Variants in MN1 observed in about 807,000 individuals in gnomAD.
MN1 encodes the protein MN1 proto-oncogene, transcriptional regulator.
A neutral mutation model predicts 86.9 loss-of-function variants in MN1; 19 were observed. That is an observed-to-expected ratio of 0.22 (90% confidence interval 0.15 to 0.32). MN1 has a LOEUF of 0.32. Among genes scored for constraint, MN1 ranks in the 10% least tolerant of loss-of-function variants. The pLI, the probability that MN1 is intolerant of heterozygous loss-of-function variation, is 1.00. For synonymous variants in MN1, 928 were observed against 849.6 expected, an observed-to-expected ratio of 1.09 and a Z score of -1.60; for missense variants, 1,841 against 1,862.0, an observed-to-expected ratio of 0.99 and a Z score of 0.21.
intron 1 of MN1, among the ~76,000 whole-genome samples, chr22:27,765,873 G>A (rs1426952310): frequency 6.6e-6 from 1 of 152,120 alleles, no homozygotes; most frequent in Non-Finnish European, 1.5e-5. Flanking sequence ...AGGTGGTCTG[G>A]GCTTAGAAGG....
chr22:27,791,770 T>C (rs1002920533), intron 1 of MN1: 6 of 152,210 alleles, frequency 3.9e-5, no homozygotes, highest in Non-Finnish European at 8.8e-5. Context: ...CTCTCCTAAA[T>C]GCTTTCGGCA....
chr22:27,800,325 G>T lies in MN1; in HGVS notation c.219C>A (p.Arg73=), dbSNP rs759773414. The T allele has an allele frequency of 6.3e-7, 1 of 1,582,202 alleles. No homozygotes were observed. The highest frequency in any genetic ancestry group is 1.2e-5 in the South Asian group (1 of 86,032). ...MNMEPYGFHA[R]GHSELHAGGL... ...CCCCTGCGTGCAACTCCGAGTGGCCGCGCGCGTGGAAGCCGTAGGGCTCCA... is the reference window on the plus strand; with the variant it reads ...CCCCTGCGTGCAACTCCGAGTGGCCTCGCGCGTGGAAGCCGTAGGGCTCCA... The change falls in exon 1 of 2, where the codon CGC becomes CGA. Residue 73 remains arginine, a synonymous_variant. Transcript: ENST00000302326.
Position 27,799,058 on chromosome 22 carries a change from C to G in MN1, c.1486G>C (p.Gly496Arg). 2 of 1,610,760 alleles carry G rather than the reference C, an allele frequency of 1.2e-6. No homozygotes were observed. The highest frequency in any genetic ancestry group is 1.3e-5 in the African/African-American group (1 of 74,978). The change falls in exon 1 of 2, where the codon GGC becomes CGC. Residue 496 changes from glycine to arginine, a missense_variant. Coordinates refer to ENST00000302326, the MANE Select transcript of MN1 (RefSeq NM_002430.3). Reference protein sequence around the residue: ...LSPSAYPGLPGEFTPPVPDSF... With the variant: ...LSPSAYPGLPREFTPPVPDSF... ...TCGGGCACAGGCGGTGTGAACTCGC[C>G]GGGTAGGCCTGGGTAGGCGGAAGGG...
Position 27,765,713 on chromosome 22 carries a change from C to T in MN1, c.3782-14617G>A, listed in dbSNP as rs1932864662. 1.3e-5 allele frequency among the ~76,000 whole-genome samples: 2 copies of T among 152,176 alleles called. 1 individual carries two copies. The highest frequency in any genetic ancestry group is 4.1e-4 in the South Asian group (2 of 4,826). On this transcript the variant is annotated intron_variant, in intron 1 of 1. Coordinates refer to ENST00000302326, the MANE Select transcript of MN1 (RefSeq NM_002430.3). ...GACCCGGGTCTGGCCCAGGTTCTCT[C>T]CACAGCACTATGAGAACCAAGGCCA...
In MN1 at chr22:27,749,229, GA is replaced by G. The variant is rs1347856218; in HGVS notation, c.*1685del. 8 of 230,802 alleles carry G rather than the reference GA, an allele frequency of 3.5e-5. No individual in the cohort carries two copies. In the Admixed American group the frequency reaches 4.5e-4, roughly 13 times the overall value. The allele number at this position is 230,802 out of a possible 1,614,324, so 14.3% of individuals were successfully genotyped here. On this transcript the variant is annotated 3_prime_UTR_variant, in exon 2 of 2. Coordinates refer to ENST00000302326, the MANE Select transcript of MN1 (RefSeq NM_002430.3). ...TTCTGAAAGCTCCTCTCCCTTCGCT[GA>G]AAAGTTCTTTGAAATAAACAACGTG...
intron 1 of MN1, among the ~76,000 whole-genome samples, chr22:27,751,756 C>G (rs1017773346): frequency 6.6e-5 from 10 of 152,110 alleles, no homozygotes; most frequent in African/African-American, 2.4e-4. Flanking sequence ...TCCAGAGGAG[C>G]AGGAAGGATG....
In MN1 at chr22:27,798,076, C is replaced by T; in HGVS notation, c.2468G>A (p.Ser823Asn). The T allele has an allele frequency of 6.2e-7, 1 of 1,611,412 alleles. No individual in the cohort carries two copies. Among genetic ancestry groups the T allele is most frequent in the South Asian group, 1.1e-5 (1 of 91,048 alleles). ...PSSKDNLFGQ[S>N]CLAALSTACQ... ...AGCGGTGGAGAGCGCAGCCAGGCAG[C>T]TCTGGCCGAACAGGTTGTCCTTGGA... The change falls in exon 1 of 2, where the codon AGC becomes AAC. Residue 823 changes from serine to asparagine, a missense_variant. Ser to Asn is a conservative substitution (Grantham distance 46). Transcript: ENST00000302326.
Position 27,800,130 on chromosome 22 carries a change from G to A in MN1, c.414C>T (p.Gly138=), listed in dbSNP as rs1254169586. Residue 138 remains glycine (G), a synonymous_variant, in exon 1 of 2, where the codon GGC becomes GGT. Coordinates refer to ENST00000302326, the MANE Select transcript of MN1 (RefSeq NM_002430.3). ...LHGGRLLGYG[G]AAGGLGSQPP... is the part of the protein sequence containing the mutation. Reference sequence around the variant, plus strand: ...GCTGGCTGCCCAGGCCTCCGGCTGCGCCGCCGTAGCCGAGCAGGCGACCCC... The same window carrying A: ...GCTGGCTGCCCAGGCCTCCGGCTGCACCGCCGTAGCCGAGCAGGCGACCCC... The A allele has an allele frequency of 1.3e-6, 2 of 1,555,312 alleles. No homozygotes were observed.
intron 1 of MN1, among the ~76,000 whole-genome samples, chr22:27,786,007 G>A (rs1933127911): frequency 6.6e-6 from 1 of 152,210 alleles, no homozygotes; most frequent in South Asian, 2.1e-4. Context: ...CTGGCTCAGC[G>A]CCGCAAAGAC....
At chr22:27,785,382 G>A (rs895491861) in intron 1 of MN1, among the ~76,000 whole-genome samples, 2 of 152,164 alleles carry the variant, frequency 1.3e-5, no homozygotes, top group African/African-American at 4.8e-5. Flanking sequence ...CTCCACGTCC[G>A]GCCACGTCGC....
rs1568986508 is a variant in MN1 at position 27,800,331 on chromosome 22, G to GTTT, written c.212_213insAAA (p.His71delinsGlnAsn). 1 of 1,586,462 alleles carries GTTT rather than the reference G, an allele frequency of 6.3e-7. No homozygotes were observed. Among genetic ancestry groups the GTTT allele is most frequent in the South Asian group, 1.1e-5 (1 of 87,084 alleles). ...CGTGCAACTCCGAGTGGCCGCGCGCGTGGAAGCCGTAGGGCTCCATGTTCA... is the reference window on the plus strand; with the variant it reads ...CGTGCAACTCCGAGTGGCCGCGCGCGTTTTGGAAGCCGTAGGGCTCCATGTTCA... On this transcript the variant is annotated protein_altering_variant, in exon 1 of 2. Transcript: ENST00000302326.
intron 1 of MN1, among the ~76,000 whole-genome samples, chr22:27,783,749 AT>A (rs760845991): frequency 3.3e-5 from 5 of 152,232 alleles, no homozygotes; most frequent in Non-Finnish European, 7.3e-5. Context: ...CATCAGTGCC[AT>A]ATTGATAGTG....
At chr22:27,751,326 G>A (rs1472512632) in intron 1 of MN1, among the ~76,000 whole-genome samples, 1 of 152,174 alleles carries the variant, frequency 6.6e-6, no homozygotes. Context: ...TTGGGCCTCA[G>A]TTTCCCCACT....
rs1933429210 is a variant in MN1, at chr22:27,801,084, CCGCCCCCCGGAGTCCCCG to C, written c.-559_-542del. 1 of 232,774 alleles carries C rather than the reference CCGCCCCCCGGAGTCCCCG, an allele frequency of 4.3e-6. No individual in the cohort carries two copies. The highest frequency in any genetic ancestry group is 5.2e-5 in the Admixed American group (1 of 19,084). The allele number at this position is 232,774 out of a possible 1,614,324, so 14.4% of individuals were successfully genotyped here. On this transcript the variant is annotated 5_prime_UTR_variant, in exon 1 of 2. Transcript: ENST00000302326. ...GGCACCGACAGAGCGGTCCCTCCCC[CCGCCCCCCGGAGTCCCCG>C]CGCCCCGCAGCCCGAGCCTCCACCG...
Position 27,798,722 on chromosome 22 carries a change from C to A in MN1, c.1822G>T (p.Gly608Cys). The A allele has an allele frequency of 1.3e-6, 2 of 1,535,304 alleles. No homozygotes were observed. Among genetic ancestry groups the A allele is most frequent in the East Asian group, 2.4e-5 (1 of 40,838 alleles). The change falls in exon 1 of 2, where the codon GGC (glycine) becomes TGC (cysteine). Residue 608 changes from glycine (G) to cysteine (C), a missense_variant. Physicochemically the swap from Gly to Cys is radical, Grantham distance 159. Coordinates refer to ENST00000302326, the MANE Select transcript of MN1 (RefSeq NM_002430.3). ...CCCAGACGCCCGGCGCCCGTGCTGCCGCCTTCGCGCTCAAAGTTCGGCTGG... is the reference window on the plus strand; with the variant it reads ...CCCAGACGCCCGGCGCCCGTGCTGCAGCCTTCGCGCTCAAAGTTCGGCTGG... ...LAQPNFEREGGSTGAGRLGTF... is the reference protein window; with the variant it reads ...LAQPNFEREGCSTGAGRLGTF...
At position 27,799,011 on chromosome 22, in the gene MN1, G is replaced by A; in HGVS notation, c.1533C>T (p.Pro511=). The change falls in exon 1 of 2, where the codon CCC becomes CCT. Residue 511 remains proline (P), a synonymous_variant. Transcript: ENST00000302326. ...PVPDSFPSGP[P]LQHPAPDHQS... ...GGTGGTCCGGGGCCGGATGCTGCAG[G>A]GGCGGCCCCGAAGGGAAGCTGTCGG... is the stretch of plus-strand genomic sequence containing the variant. 6.2e-7 allele frequency: 1 copy of A among 1,610,958 alleles called. No individual in the cohort carries two copies. Among genetic ancestry groups the A allele is most frequent in the Non-Finnish European group, 8.5e-7 (1 of 1,179,140 alleles).
chr22:27,750,952 G>C lies in MN1; in HGVS notation c.3926C>G (p.Ser1309Cys). ...PTWRSLHSDI[S>C]NRFGTFVAAL... ...AGCCACGAATGTCCCAAATCTGTTGGAGATGTCAGAATGCAGGGACCGCCA... is the reference window on the plus strand; with the variant it reads ...AGCCACGAATGTCCCAAATCTGTTGCAGATGTCAGAATGCAGGGACCGCCA... The change falls in exon 2 of 2, where the codon TCC (serine) becomes TGC (cysteine). Residue 1309 changes from serine to cysteine, a missense_variant. Transcript: ENST00000302326. 1.2e-6 allele frequency: 2 copies of C among 1,611,000 alleles called. No homozygotes were observed. The highest frequency in any genetic ancestry group is 1.7e-6 in the Non-Finnish European group (2 of 1,178,364).
intron 1 of MN1, among the ~76,000 whole-genome samples, chr22:27,790,899 G>T (rs1350550171): frequency 6.6e-6 from 1 of 152,090 alleles, no homozygotes; most frequent in African/African-American, 2.4e-5. Context: ...TCGTAATTAG[G>T]ATCTTCAAAA....
Position 27,797,190 on chromosome 22 carries a change from G to T in MN1, c.3354C>A (p.Tyr1118Ter). ...GATGGCCCGGGCCCCCACCGCCGCCGTAGCTGTCAGGGGTCGAGGTAGAGT... is the reference window on the plus strand; with the variant it reads ...GATGGCCCGGGCCCCCACCGCCGCCTTAGCTGTCAGGGGTCGAGGTAGAGT... The part of the protein sequence containing the change: ...MSNSTSTPDS[Y>*]GGGGGPGHPG... The change falls in exon 1 of 2, where the codon TAC becomes TAA. Residue 1118 changes from tyrosine (Y) to a stop codon, truncating the protein, a stop_gained. Coordinates refer to ENST00000302326, the MANE Select transcript of MN1 (RefSeq NM_002430.3). LOFTEE classifies it high-confidence loss of function. 1 of 1,558,698 alleles carries T rather than the reference G, an allele frequency of 6.4e-7. No individual in the cohort carries two copies. The highest frequency in any genetic ancestry group is 8.6e-7 in the Non-Finnish European group (1 of 1,156,484).
Sources: allele counts gnomAD v4.1 joint callset (sites outside exome capture counted in the v4.1 genomes callset), GRCh38; gene constraint gnomAD v4.1.1; transcripts MANE v1.5; gene names NCBI Gene and HGNC (gene_info 2026-07-23, HGNC 2026-07-21).